CAMK1G: variants seen among roughly 807,000 people sequenced by gnomAD.
CAMK1G encodes the protein calcium/calmodulin-dependent protein kinase type 1G.
In CAMK1G, 27 loss-of-function variants were observed where a neutral mutation model predicts 54.8. The ratio of observed to expected loss-of-function variants is 0.49; its 90% CI spans 0.36 to 0.68. CAMK1G has a LOEUF of 0.68. CAMK1G is among the 30% of genes least tolerant of loss of function. The pLI, the probability that CAMK1G is intolerant of heterozygous loss-of-function variation, is 0.00. For missense variants in CAMK1G, 512 were observed against 591.0 expected, an observed-to-expected ratio of 0.87 and a Z score of 1.39; for synonymous variants, 238 against 224.9, an observed-to-expected ratio of 1.06 and a Z score of -0.52.
chr1:209,608,916 AG>A (rs1665714151), intron 7 of CAMK1G, 63 bp from the exon 8 acceptor site: 1 of 1,599,992 alleles, frequency 6.3e-7, no homozygotes, highest in Non-Finnish European at 8.5e-7. Flanking sequence ...TTGGGGGAGC[AG>A]AGAGGCTGGC....
intron 4 of CAMK1G, 144 bp from the exon 5 acceptor site, chr1:209,605,392 G>GTGTAGA: frequency 2.2e-6 from 2 of 902,512 alleles, no homozygotes; most frequent in Non-Finnish European, 1.7e-6. Flanking sequence ...GACTGGAGTA[G>GTGTAGA]TCTGCTGGCA....
At chr1:209,605,348 A>G (rs913974405) in intron 4 of CAMK1G, among the ~76,000 whole-genome samples, 188 bp from the exon 5 acceptor site, 4 of 152,180 alleles carry the variant, frequency 2.6e-5, no homozygotes, top group African/African-American at 9.7e-5. Flanking sequence ...CTGCCTAGTG[A>G]TATCACTCCA....
intron 4 of CAMK1G, among the ~76,000 whole-genome samples, chr1:209,603,610 C>T (rs1489201889): frequency 1.3e-5 from 2 of 152,156 alleles, no homozygotes; most frequent in Non-Finnish European, 2.9e-5. Flanking sequence ...GCTGCCCCAC[C>T]CCTCCTCGCC....
chr1:209,588,354 ATGGATTGGATTGGATTGGAT>A (rs56898431), intron 1 of CAMK1G, among the ~76,000 whole-genome samples: 31,769 of 147,062 alleles, frequency 0.22, 3,543 homozygotes, highest in Middle Eastern at 0.24. Flanking sequence ...GTGGAGCGGA[ATGGATTGGATTGGATTGGAT>A]TGGATTGGAT....
chr1:209,611,332 C>G (rs751204023), intron 9 of CAMK1G, 133 bp from the exon 10 acceptor site: 8 of 747,600 alleles, frequency 1.1e-5, no homozygotes, highest in African/African-American at 1.8e-5. Context: ...GCTTGCAGCC[C>G]TTTCCTGCTG....
chr1:209,595,825 A>C (rs9429819), intron 2 of CAMK1G, among the ~76,000 whole-genome samples: 99,691 of 152,062 alleles, frequency 0.66, 32,989 homozygotes, highest in African/African-American at 0.72. Context: ...CTGAACCTGC[A>C]CCTTGAAGAT....
chr1:209,598,644 C>T (rs1665446726), intron 2 of CAMK1G, among the ~76,000 whole-genome samples: 1 of 152,196 alleles, frequency 6.6e-6, no homozygotes, highest in Admixed American at 6.5e-5. Flanking sequence ...TTAGAAAGCA[C>T]ATTAGCATGT....
intron 1 of CAMK1G, among the ~76,000 whole-genome samples, chr1:209,588,215 G>C (rs1243054562): frequency 6.6e-6 from 1 of 152,206 alleles, no homozygotes; most frequent in South Asian, 2.1e-4. Context: ...AGATTGCAGA[G>C]GTGCTACTCA....
In CAMK1G at chr1:209,609,916, T is replaced by C. The variant is rs139313701; in HGVS notation, c.814T>C (p.Leu272=). 7 of 1,613,962 alleles carry C rather than the reference T, an allele frequency of 4.3e-6. No individual in the cohort carries two copies. In the African/African-American group the frequency reaches 8.0e-5, roughly 18 times the overall value. Residue 272 remains leucine (L), a synonymous_variant, in exon 9 of 13, where the codon TTG becomes CTG. Transcript: ENST00000361322. The part of the protein sequence containing the change: ...PNERYTCEKA[L]SHPWIDGNTA... ...CGAGCGGTACACCTGTGAGAAGGCCTTGAGTCATCCCTGGTGAGTGAGACA... is the reference window on the plus strand; with the variant it reads ...CGAGCGGTACACCTGTGAGAAGGCCCTGAGTCATCCCTGGTGAGTGAGACA...
Position 209,611,487 on chromosome 1 carries a change from CACCGGG to C in CAMK1G, c.853_858del (p.Arg285_Asp286del). On this transcript the variant is annotated inframe_deletion, in exon 10 of 13. Transcript: ENST00000361322. ...CAGGATTGACGGAAACACAGCCCTC[CACCGGG>C]ACATCTACCCATCAGTCAGCCTCCA... 6.2e-7 allele frequency: 1 copy of C among 1,614,176 alleles called. No homozygotes were observed. The highest frequency in any genetic ancestry group is 8.5e-7 in the Non-Finnish European group (1 of 1,180,016).
chr1:209,588,871 C>T (rs1227791480), intron 1 of CAMK1G, among the ~76,000 whole-genome samples: 1 of 152,224 alleles, frequency 6.6e-6, no homozygotes, highest in African/African-American at 2.4e-5. Context: ...CAGCCTGCCA[C>T]TGGGAGCATG....
chr1:209,589,883 G>T (rs1252872729), intron 1 of CAMK1G, among the ~76,000 whole-genome samples: 1 of 152,190 alleles, frequency 6.6e-6, no homozygotes, highest in Non-Finnish European at 1.5e-5. Context: ...ACGACTCAAA[G>T]ATAGTTCCAT....
At chr1:209,612,734 A>T in intron 11 of CAMK1G, 51 bp from the exon 12 acceptor site, 14 of 1,472,906 alleles carry the variant, frequency 9.5e-6, no homozygotes, top group Non-Finnish European at 1.2e-5. Context: ...TGCCCCATCG[A>T]CTCTTCTTCC....
rs546157822 is a variant in CAMK1G at position 209,612,777 on chromosome 1, C to T, written c.1341-8C>T. 6.2e-7 allele frequency: 1 copy of T among 1,613,562 alleles called. No individual in the cohort carries two copies. Among genetic ancestry groups the T allele is most frequent in the South Asian group, 1.1e-5 (1 of 91,040 alleles). ...ACTTCAAAGGTTGTTGCTTCATTTC[C>T]TTTCTAGGAACTTCAAGTCGGAGGT... On this transcript the variant is annotated splice_polypyrimidine_tract_variant and splice_region_variant and intron_variant, in intron 11 of 12. Coordinates refer to ENST00000361322, the MANE Select transcript of CAMK1G (RefSeq NM_020439.3).
intron 1 of CAMK1G, among the ~76,000 whole-genome samples, chr1:209,588,044 G>T (rs1665145314): frequency 6.6e-6 from 1 of 152,090 alleles, no homozygotes; most frequent in Non-Finnish European, 1.5e-5. Context: ...TTCCTCTAAG[G>T]TCAGTAAAAG....
chr1:209,591,538 C>G (rs765394824), intron 1 of CAMK1G, among the ~76,000 whole-genome samples: 1 of 152,198 alleles, frequency 6.6e-6, no homozygotes, highest in South Asian at 2.1e-4. Flanking sequence ...TCCATTGTAG[C>G]GTATAAATCT....
chr1:209,608,333 C>T (rs559371048), intron 7 of CAMK1G, among the ~76,000 whole-genome samples: 1 of 152,284 alleles, frequency 6.6e-6, no homozygotes, highest in African/African-American at 2.4e-5. Context: ...CTCAGCTTTC[C>T]CAAGGCAAAA....
rs1665720777 is a variant in CAMK1G, at chr1:209,609,182, T to A, written c.748+90T>A. On this transcript the variant is annotated intron_variant, in intron 8 of 12. Coordinates refer to ENST00000361322, the MANE Select transcript of CAMK1G (RefSeq NM_020439.3). The stretch of plus-strand genomic sequence containing the variant: ...CTTAACAAAGGATGACAGTCCCGGC[T>A]CTTCAAAGTCCCTGGGGATCTTACA... 1.0e-5 allele frequency: 15 copies of A among 1,496,720 alleles called. No homozygotes were observed. In the South Asian group the frequency reaches 1.8e-4, roughly 18 times the overall value. The allele number at this position is 1,496,720 out of a possible 1,614,324, so 92.7% of individuals were successfully genotyped here.
At chr1:209,586,677 T>C (rs1018689158) in intron 1 of CAMK1G, among the ~76,000 whole-genome samples, 2 of 152,146 alleles carry the variant, frequency 1.3e-5, no homozygotes, top group African/African-American at 4.8e-5. Flanking sequence ...TTTGTGCCCA[T>C]TGAAGCATTA....
Sources: gnomAD v4.1 joint callset for allele counts (sites outside exome capture counted in the v4.1 genomes callset) on GRCh38, gnomAD v4.1.1 for gene constraint, MANE v1.5 for transcripts, NCBI Gene and HGNC (gene_info 2026-07-23, HGNC 2026-07-21) for gene names.